FBXO42: variants seen among roughly 807,000 people sequenced by gnomAD.
FBXO42 encodes F-box protein 42, also known as F-box only protein 42.
In FBXO42, 12 loss-of-function variants were observed where a neutral mutation model predicts 71.7. That is an observed-to-expected ratio of 0.17 (90% CI 0.11 to 0.27). The LOEUF is 0.27. Ranked by LOEUF, FBXO42 falls within the 10% of genes least tolerant of loss-of-function variation. The probability of loss-of-function intolerance (pLI) is 1.00; values close to 1 mark genes in which losing one functional copy is unlikely to be tolerated. For synonymous variants in FBXO42, 325 were observed against 327.5 expected (o/e 0.99, Z 0.08); for missense variants, 707 against 911.9 (o/e 0.78, Z 2.89).
chr1:16,326,600 C>T (rs1204482399), intron 1 of FBXO42, among the ~76,000 whole-genome samples: 1 of 150,126 alleles, frequency 6.7e-6, no homozygotes, highest in African/African-American at 2.5e-5. Context: ...GGGAGGATCA[C>T]TTGAGCCCAG....
intron 1 of FBXO42, among the ~76,000 whole-genome samples, chr1:16,320,661 AT>A (rs534488238): frequency 0.019 from 2,703 of 144,414 alleles, 72 homozygotes; most frequent in African/African-American, 0.06. Context: ...TGCCCAGCTA[AT>A]TTTTTTTTTT....
Position 16,352,248 on chromosome 1 carries a change from G to A in FBXO42, c.-18+7C>T, listed in dbSNP as rs1259750168. The A allele has an allele frequency of 3.5e-5, 14 of 394,822 alleles. No individual in the cohort carries two copies. The East Asian group carries it at 4.7e-4, about 13-fold the overall frequency. 24.5% of individuals were successfully genotyped at this position (394,822 alleles called of 1,614,324 possible). On this transcript the variant is annotated splice_region_variant and intron_variant, in intron 1 of 9. Transcript: ENST00000375592. ...CTCTGCGGCCCGGGGAGGAGGAGAG[G>A]CCTCACCTGGCCCAGCCCGCTCCAC...
In FBXO42 at chr1:16,248,610, T is replaced by A. The variant is rs1177378702; in HGVS notation, c.*2060A>T. 1 of 152,190 alleles carries A rather than the reference T, an allele frequency of 6.6e-6. No homozygotes were observed. The highest frequency in any genetic ancestry group is 1.5e-5 in the Non-Finnish European group (1 of 68,036). 9.4% of individuals were successfully genotyped at this position (152,190 alleles called of 1,614,324 possible). A position where few individuals can be genotyped will look rare whatever the true frequency, so the allele number is the denominator to read the frequency against. On this transcript the variant is annotated 3_prime_UTR_variant, in exon 10 of 10. Coordinates refer to ENST00000375592, the MANE Select transcript of FBXO42 (RefSeq NM_018994.3). ...GCACAGTCCATGCACAAACACAATG[T>A]CCTAACACAAGGTACAGCAATAGCG...
chr1:16,288,695 T>C (rs1022944233), intron 4 of FBXO42, among the ~76,000 whole-genome samples: 3 of 152,058 alleles, frequency 2.0e-5, no homozygotes, highest in African/African-American at 7.2e-5. Context: ...CAGTGGCTCA[T>C]GCCTGTAATC....
At chr1:16,270,691 A>G (rs181059647) in intron 4 of FBXO42, among the ~76,000 whole-genome samples, 1,361 of 34,306 alleles carry the variant, frequency 0.04, 178 homozygotes, top group Middle Eastern at 0.2. Context: ...AAAAAAAAAA[A>G]AAAAAGAAAA....
At chr1:16,280,189 T>C (rs995136420) in intron 4 of FBXO42, among the ~76,000 whole-genome samples, 1 of 152,182 alleles carries the variant, frequency 6.6e-6, no homozygotes, top group African/African-American at 2.4e-5. Context: ...AATGGCATTA[T>C]ATCTCCACGG....
At chr1:16,338,944 G>A (rs1368147405) in intron 1 of FBXO42, among the ~76,000 whole-genome samples, 7 of 151,056 alleles carry the variant, frequency 4.6e-5, no homozygotes, top group Non-Finnish European at 7.4e-5. Flanking sequence ...CTGAGTAGCT[G>A]GGATTACAGG....
chr1:16,269,942 G>A (rs61769820), intron 4 of FBXO42, among the ~76,000 whole-genome samples: 12,382 of 151,992 alleles, frequency 0.081, 689 homozygotes, highest in Non-Finnish European at 0.12. Flanking sequence ...TGCAACCTCC[G>A]CCTCCCAGGC....
intron 4 of FBXO42, among the ~76,000 whole-genome samples, chr1:16,288,281 T>G (rs1165631575): frequency 6.6e-6 from 1 of 151,700 alleles, no homozygotes; most frequent in Non-Finnish European, 1.5e-5. Context: ...AATACAAAAA[T>G]TAGCTGGGCA....
chr1:16,255,805 T>C lies in FBXO42; in HGVS notation c.673A>G (p.Thr225Ala), dbSNP rs1488224276. The change falls in exon 6 of 10, where the codon ACA becomes GCA. Residue 225 changes from threonine (T) to alanine (A), a missense_variant. Coordinates refer to ENST00000375592, the MANE Select transcript of FBXO42 (RefSeq NM_018994.3). The part of the protein sequence containing the change: ...PSKNWWNCIV[T>A]THGPPPMAGH... ...GCCATGGGAGGTGGCCCATGGGTTG[T>C]CACAATGCAGTTCCACCTAATGTAA... The C allele has an allele frequency of 5.6e-6, 9 of 1,613,526 alleles. No individual in the cohort carries two copies. Among genetic ancestry groups the C allele is most frequent in the Non-Finnish European group, 7.6e-6 (9 of 1,179,880 alleles).
At chr1:16,275,029 A>T (rs552503278) in intron 4 of FBXO42, among the ~76,000 whole-genome samples, 2 of 152,346 alleles carry the variant, frequency 1.3e-5, no homozygotes, top group Admixed American at 6.5e-5. Flanking sequence ...CAGAAATATC[A>T]GCAATCCATT....
At chr1:16,348,451 C>T (rs1435903152) in intron 1 of FBXO42, among the ~76,000 whole-genome samples, 1 of 152,108 alleles carries the variant, frequency 6.6e-6, no homozygotes, top group Non-Finnish European at 1.5e-5. Flanking sequence ...GTAATCCCAG[C>T]ACTTTGGGAG....
At chr1:16,286,543 G>T (rs1239945546) in intron 4 of FBXO42, among the ~76,000 whole-genome samples, 2 of 152,118 alleles carry the variant, frequency 1.3e-5, no homozygotes. Flanking sequence ...TTGACACATG[G>T]GGATTATGAG....
intron 1 of FBXO42, among the ~76,000 whole-genome samples, chr1:16,328,496 A>G (rs921226021): frequency 6.6e-6 from 1 of 152,204 alleles, no homozygotes; most frequent in African/African-American, 2.4e-5. Context: ...GGAATTTACA[A>G]ATAGTCAAGG....
intron 4 of FBXO42, among the ~76,000 whole-genome samples, chr1:16,291,407 G>C (rs891760308): frequency 1.3e-5 from 2 of 151,174 alleles, no homozygotes; most frequent in African/African-American, 4.9e-5. Flanking sequence ...TTTTGAGACA[G>C]TCTCACTCCG....
At chr1:16,293,442 G>GT (rs1467144709) in intron 4 of FBXO42, 1 of 152,260 alleles carries the variant, frequency 6.6e-6, no homozygotes, top group African/African-American at 2.4e-5. Flanking sequence ...TTTTGTTTTT[G>GT]TTTTTTATGA....
intron 4 of FBXO42, among the ~76,000 whole-genome samples, chr1:16,274,794 G>A (rs752412953): frequency 4.0e-5 from 6 of 151,390 alleles, no homozygotes; most frequent in African/African-American, 1.2e-4. Context: ...GTTTCATCAC[G>A]TTGGCCAGGA....
intron 1 of FBXO42, among the ~76,000 whole-genome samples, chr1:16,349,948 CT>C (rs1430421007): frequency 6.6e-6 from 1 of 152,192 alleles, no homozygotes; most frequent in Non-Finnish European, 1.5e-5. Context: ...GAGATAGCTT[CT>C]CCCTGGGACC....
At chr1:16,295,029 C>G (rs1448856112) in intron 3 of FBXO42, 112 bp from the exon 4 acceptor site, 2 of 1,251,640 alleles carry the variant, frequency 1.6e-6, no homozygotes, top group Non-Finnish European at 2.1e-6. Flanking sequence ...AATTTTGTTA[C>G]CAAGTACCAA....
Sources: allele counts gnomAD v4.1 joint callset (sites outside exome capture counted in the v4.1 genomes callset), GRCh38; gene constraint gnomAD v4.1.1; transcripts MANE v1.5; gene names NCBI Gene and HGNC (gene_info 2026-07-23, HGNC 2026-07-21).